Variants in GRTP1 observed in about 807,000 individuals in gnomAD.
GRTP1 encodes growth hormone-regulated TBC protein 1.
Under a neutral mutation model 38.1 loss-of-function variants are expected in GRTP1, and 56 were observed. The observed-to-expected ratio is 1.47, with a 90% CI of 1.19 to 1.84. The LOEUF (loss-of-function observed/expected upper bound fraction) is 1.84, where lower values mean the gene tolerates loss of function less well. GRTP1 is among the 40% of genes most tolerant of loss of function. GRTP1 has a pLI of 0.00. For synonymous variants in GRTP1, 217 were observed against 189.5 expected, an observed-to-expected ratio of 1.14 and a Z score of -1.19; for missense variants, 506 against 453.9, an observed-to-expected ratio of 1.11 and a Z score of -1.04.
intron 2 of GRTP1, among the ~76,000 whole-genome samples, chr13:113,357,107 C>T (rs573014263): frequency 6.6e-6 from 1 of 151,562 alleles, no homozygotes; most frequent in Admixed American, 6.6e-5. Flanking sequence ...GTCAAGAGAT[C>T]GAGACCATCC....
intron 5 of GRTP1, among the ~76,000 whole-genome samples, chr13:113,329,980 T>TGTGCATGGGAGCCCGGGTGC (rs1170349903): frequency 5.3e-4 from 81 of 152,042 alleles, no homozygotes; most frequent in Admixed American, 2.8e-3. Context: ...AAACCAGGTG[T>TGTGCATGGGAGCCCGGGTGC]GTGCATGGGA....
chr13:113,337,968 C>T (rs1481526598), intron 5 of GRTP1, among the ~76,000 whole-genome samples: 3 of 152,254 alleles, frequency 2.0e-5, no homozygotes, highest in Non-Finnish European at 4.4e-5. Context: ...ATTTCTATGT[C>T]GAGTTGTTAA....
At chr13:113,351,202 A>G (rs890853678) in intron 3 of GRTP1, among the ~76,000 whole-genome samples, 16 of 152,128 alleles carry the variant, frequency 1.1e-4, no homozygotes, top group African/African-American at 3.9e-4. Context: ...TCCTTCCCGC[A>G]GAGTCAGGGA....
At chr13:113,350,434 A>G (rs1029347704) in intron 4 of GRTP1, among the ~76,000 whole-genome samples, 4 of 130,804 alleles carry the variant, frequency 3.1e-5, no homozygotes, top group African/African-American at 1.2e-4. Flanking sequence ...CACATCCCAC[A>G]GCGCACGCAC....
At chr13:113,362,370 TAAAG>T (rs1034461063) in intron 2 of GRTP1, among the ~76,000 whole-genome samples, 1 of 151,664 alleles carries the variant, frequency 6.6e-6, no homozygotes, top group African/African-American at 2.4e-5. Flanking sequence ...AAAGGAAAAA[TAAAG>T]ACACACGTTC....
intron 5 of GRTP1, among the ~76,000 whole-genome samples, chr13:113,331,573 C>G (rs984413289): frequency 1.3e-5 from 2 of 151,678 alleles, no homozygotes; most frequent in Non-Finnish European, 2.9e-5. Context: ...ACAGCCCTTA[C>G]AGGGCGTGAG....
At chr13:113,352,264 T>TATA (rs1566437518) in intron 3 of GRTP1, among the ~76,000 whole-genome samples, 1 of 76,812 alleles carries the variant, frequency 1.3e-5, no homozygotes, top group African/African-American at 4.8e-5. Flanking sequence ...TTATATATTT[T>TATA]TATATTTTTA....
chr13:113,324,823 A>C, intron 7 of GRTP1: 1 of 1,226,628 alleles, frequency 8.2e-7, no homozygotes, highest in South Asian at 2.4e-5. Context: ...ATCTGCTTCC[A>C]TTAGACTTTT....
intron 4 of GRTP1, among the ~76,000 whole-genome samples, chr13:113,350,548 C>CACACCCCACAGCACAT (rs2043244540): frequency 1.3e-5 from 2 of 151,466 alleles, no homozygotes; most frequent in South Asian, 2.1e-4. Flanking sequence ...CCACAGCACA[C>CACACCCCACAGCACAT]ACACCCCACA....
chr13:113,325,962 GAC>G lies in GRTP1; in HGVS notation c.690_691del (p.Ser231ProfsTer25), dbSNP rs763963627. 3 of 1,613,732 alleles carry G rather than the reference GAC, an allele frequency of 1.9e-6. No individual in the cohort carries two copies. The East Asian group carries it at 6.7e-5, about 36-fold the overall frequency. ...CACAAACAGGCAGATGAACCAGCGG[GAC>G]ACCAGCAGCGTCCACAGCACACCGA... On this transcript the variant is annotated frameshift_variant, in exon 6 of 8. Coordinates refer to ENST00000375431, the MANE Select transcript of GRTP1 (RefSeq NM_024719.4). LOFTEE classifies it high-confidence loss of function.
intron 7 of GRTP1, 174 bp from the exon 8 acceptor site, chr13:113,324,751 C>A (rs978565441): frequency 7.2e-7 from 1 of 1,381,788 alleles, no homozygotes; most frequent in Non-Finnish European, 9.3e-7. Flanking sequence ...TGCCCTGGGG[C>A]CTAGGACTGC....
chr13:113,330,903 ATGGGAGCCCGGGTGTGTGCATGGGAGC>A (rs2042858950), intron 5 of GRTP1, among the ~76,000 whole-genome samples: 1 of 11,588 alleles, frequency 8.6e-5, no homozygotes, highest in African/African-American at 4.3e-4. Flanking sequence ...GGGTGTGTGC[ATGGGAGCCCGGGTGTGTGCATGGGAGC>A]CCAGGTGTGT....
At chr13:113,357,306 G>A (rs969142502) in intron 2 of GRTP1, among the ~76,000 whole-genome samples, 3 of 152,014 alleles carry the variant, frequency 2.0e-5, no homozygotes, top group Admixed American at 6.6e-5. Context: ...TTGGCTGGGC[G>A]TGATGGCTCA....
At chr13:113,326,788 G>A (rs1344073487) in intron 5 of GRTP1, among the ~76,000 whole-genome samples, 1 of 152,222 alleles carries the variant, frequency 6.6e-6, no homozygotes, top group Non-Finnish European at 1.5e-5. Context: ...CAACCCACGT[G>A]TCCGTCGGCA....
chr13:113,351,280 G>T (rs2043261023), intron 3 of GRTP1, among the ~76,000 whole-genome samples: 2 of 152,182 alleles, frequency 1.3e-5, no homozygotes, highest in Admixed American at 1.3e-4. Flanking sequence ...TCTCCTCCCG[G>T]CCCCCAGCAC....
In GRTP1 at chr13:113,343,506, C is replaced by A. The variant is rs2139447083; in HGVS notation, c.562+1357G>T. Among the ~76,000 whole-genome samples the A allele has an allele frequency of 6.6e-6, 1 of 152,324 alleles. No individual in the cohort carries two copies. The highest frequency in any genetic ancestry group is 1.9e-4 in the East Asian group (1 of 5,184). ...ATTCCTCCCTGCCCTTAATGATGCACTTGAGCTTTGCCCCATCCGTGAGGA... is the reference window on the plus strand; with the variant it reads ...ATTCCTCCCTGCCCTTAATGATGCAATTGAGCTTTGCCCCATCCGTGAGGA... On this transcript the variant is annotated intron_variant, in intron 5 of 7. Transcript: ENST00000375431. This position sits in a 1 kb window ranked among gnomAD's most constrained non-coding sequence, Gnocchi z 4.8.
rs544400508 is a variant in GRTP1 at position 113,346,136 on chromosome 13, G to T, written c.466-1177C>A. On this transcript the variant is annotated intron_variant, in intron 4 of 7. Transcript: ENST00000375431. ...GACCCGGGAGGACCTCTGTGGACAA[G>T]AGCAGACCCGGGAGGACCTCTGTGC... Among the ~76,000 whole-genome samples, 2 of 122,718 alleles carry T rather than the reference G, an allele frequency of 1.6e-5. 1 individual carries two copies. The highest frequency in any genetic ancestry group is 3.5e-5 in the Non-Finnish European group (2 of 56,934). 80.5% of individuals were successfully genotyped at this position (122,718 alleles called of 152,430 possible).
intron 1 of GRTP1, 35 bp downstream of exon 1, chr13:113,363,985 A>T (rs1159668848): frequency 4.0e-6 from 6 of 1,514,816 alleles, no homozygotes; most frequent in Non-Finnish European, 5.3e-6. Context: ...CGGGGACCGC[A>T]GCCGCCGGGG....
intron 2 of GRTP1, among the ~76,000 whole-genome samples, chr13:113,357,981 T>A (rs987671570): frequency 6.6e-6 from 1 of 152,030 alleles, no homozygotes; most frequent in Non-Finnish European, 1.5e-5. Context: ...GAGTTCAAGA[T>A]CAGCCTGACC....
Sources: allele counts gnomAD v4.1 joint callset (sites outside exome capture counted in the v4.1 genomes callset), GRCh38; gene constraint gnomAD v4.1.1; non-coding constraint Gnocchi (gnomAD v3.1); transcripts MANE v1.5; gene names NCBI Gene and HGNC (gene_info 2026-07-23, HGNC 2026-07-21).